The following BLTP1 variants were observed in gnomAD, a reference collection of about 807,000 sequenced individuals.
BLTP1 encodes bridge-like lipid transfer protein family member 1.
chr4:122,296,513 A>G, the BLTP1 span, among the ~76,000 whole-genome samples: 1 of 152,240 alleles, frequency 6.6e-6, no homozygotes, highest in African/African-American at 2.4e-5. Flanking sequence ...TATAGATTCA[A>G]TGTTATTCCC....
the BLTP1 span, among the ~76,000 whole-genome samples, chr4:122,268,706 C>T: frequency 2.6e-5 from 4 of 152,228 alleles, no homozygotes; most frequent in East Asian, 7.7e-4. Flanking sequence ...CCAATTCCCT[C>T]ATTTGATTAT....
chr4:122,212,615 A>G, the BLTP1 span, among the ~76,000 whole-genome samples: 2 of 151,024 alleles, frequency 1.3e-5, no homozygotes, highest in African/African-American at 4.9e-5. Context: ...GTTTGTTTTT[A>G]TCAAAAAAAA....
the BLTP1 span, chr4:122,183,251 A>G: frequency 4.4e-6 from 2 of 450,842 alleles, no homozygotes; most frequent in African/African-American, 2.2e-5. Context: ...TGGGAGGATC[A>G]CTTGAGCCAT....
At chr4:122,221,013 T>C in the BLTP1 span, 1 of 834,610 alleles carries the variant, frequency 1.2e-6, no homozygotes, top group Non-Finnish European at 1.4e-6. Context: ...AATTTTATTA[T>C]TTTTTTCATG....
the BLTP1 span, chr4:122,353,344 G>T: frequency 4.6e-6 from 3 of 649,320 alleles, no homozygotes; most frequent in East Asian, 1.4e-4. This position sits in a 1 kb window ranked among gnomAD's most constrained non-coding sequence, Gnocchi z 4.3. Flanking sequence ...CTTACTCCAT[G>T]TTTCTTACTT....
At chr4:122,299,699 A>G in the BLTP1 span, 1 of 587,556 alleles carries the variant, frequency 1.7e-6, no homozygotes, top group Non-Finnish European at 2.1e-6. Flanking sequence ...GGTAGTTGAT[A>G]GCTGGGTTGG....
the BLTP1 span, among the ~76,000 whole-genome samples, chr4:122,288,448 A>G: frequency 6.6e-6 from 1 of 152,078 alleles, no homozygotes; most frequent in African/African-American, 2.4e-5. Flanking sequence ...TGGGAGGCCA[A>G]AGTGGGCGGA....
chr4:122,155,285 C>T, the BLTP1 span, among the ~76,000 whole-genome samples: 1,059 of 150,424 alleles, frequency 7.0e-3, 3 homozygotes, highest in Non-Finnish European at 0.011. Flanking sequence ...AAGCAGGATT[C>T]TCTATGAATG....
At chr4:122,263,024 G>C in the BLTP1 span, 2 of 1,584,986 alleles carry the variant, frequency 1.3e-6, no homozygotes, top group East Asian at 4.5e-5. Context: ...TTATATTTAC[G>C]GGGGAATTGA....
At chr4:122,317,679 G>A in the BLTP1 span, among the ~76,000 whole-genome samples, 1 of 150,612 alleles carries the variant, frequency 6.6e-6, no homozygotes, top group Non-Finnish European at 1.5e-5. Flanking sequence ...ACAACTATAT[G>A]CATTTTGTAT....
the BLTP1 span, chr4:122,324,647 T>G: frequency 9.7e-6 from 8 of 828,102 alleles, no homozygotes; most frequent in African/African-American, 1.7e-5. Flanking sequence ...AAAATTAATT[T>G]TATTAGTAAA....
At chr4:122,224,203 C>A in the BLTP1 span, 1 of 555,124 alleles carries the variant, frequency 1.8e-6, no homozygotes, top group Non-Finnish European at 2.3e-6. Context: ...CAAAGTACTA[C>A]TGTAGTTTCT....
At chr4:122,229,605 A>G in the BLTP1 span, 2 of 464,190 alleles carry the variant, frequency 4.3e-6, no homozygotes, top group Non-Finnish European at 5.6e-6. Context: ...TTTGTTTCCC[A>G]CTCTTTTATG....
the BLTP1 span, chr4:122,226,636 G>A: frequency 2.5e-6 from 4 of 1,585,790 alleles, no homozygotes; most frequent in African/African-American, 5.5e-5. Flanking sequence ...ACATTCTTCA[G>A]AAGCTTTTGA....
the BLTP1 span, chr4:122,180,212 G>C: frequency 1.0e-6 from 1 of 983,078 alleles, no homozygotes; most frequent in Non-Finnish European, 1.2e-6. Context: ...GTGACTTAAG[G>C]CAAGAATTTT....
the BLTP1 span, chr4:122,289,566 G>A: frequency 2.0e-6 from 2 of 984,998 alleles, no homozygotes; most frequent in South Asian, 4.7e-5. Flanking sequence ...CTGGCAGCAT[G>A]GTAAATTGTC....
At chr4:122,264,261 C>G in the BLTP1 span, 1 of 1,599,124 alleles carries the variant, frequency 6.3e-7, no homozygotes, top group Non-Finnish European at 8.5e-7. Flanking sequence ...GGTGTTGCAC[C>G]CAATCTTCCA....
At chr4:122,243,859 C>T in the BLTP1 span, 14 of 1,579,102 alleles carry the variant, frequency 8.9e-6, no homozygotes, top group East Asian at 6.9e-5. Flanking sequence ...TATAGTACGC[C>T]GTATACTCCA....
At chr4:122,352,878 A>C in the BLTP1 span, 1 of 1,611,542 alleles carries the variant, frequency 6.2e-7, no homozygotes, top group Non-Finnish European at 8.5e-7. Context: ...GCACTTCAGG[A>C]TATGTGTTTT....
Sources: allele counts gnomAD v4.1 joint callset (sites outside exome capture counted in the v4.1 genomes callset), GRCh38; gene constraint gnomAD v4.1.1; non-coding constraint Gnocchi (gnomAD v3.1); transcripts MANE v1.5; gene names NCBI Gene and HGNC (gene_info 2026-07-23, HGNC 2026-07-21).